Variants in SEMA3A observed in about 807,000 individuals in gnomAD.
The protein encoded by SEMA3A is semaphorin-3A.
Under a neutral mutation model 97.9 loss-of-function variants are expected in SEMA3A, and 29 were observed. That is an observed-to-expected ratio of 0.30 (90% confidence interval 0.22 to 0.40). The LOEUF is 0.40. Among genes scored for constraint, SEMA3A ranks in the 10% least tolerant of loss-of-function variants. The pLI is 1.00. For synonymous variants in SEMA3A, 321 were observed against 323.7 expected (o/e 0.99, Z 0.09); for missense variants, 763 against 951.3 (o/e 0.80, Z 2.60).
chr7:84,470,217 C>T (rs1193471881), intron 1 of SEMA3A, among the ~76,000 whole-genome samples: 1 of 152,024 alleles, frequency 6.6e-6, no homozygotes, highest in African/African-American at 2.4e-5. Flanking sequence ...TGTAAACCCT[C>T]TTTTGTTTCC....
intron 1 of SEMA3A, among the ~76,000 whole-genome samples, chr7:84,176,961 T>C (rs1797587479): frequency 6.6e-6 from 1 of 152,148 alleles, no homozygotes; most frequent in African/African-American, 2.4e-5. Context: ...AAAATTAGAC[T>C]ACTTTAGTGG....
rs186253365 is a variant in SEMA3A, at chr7:84,302,938, C to A, written c.-83+4269G>T. Among the ~76,000 whole-genome samples the A allele has an allele frequency of 3.8e-3, 574 of 152,170 alleles. 7 individuals are homozygous for A. Among genetic ancestry groups the A allele is most frequent in the African/African-American group, 0.013 (551 of 41,518 alleles). ...CTCAGAAATTCTGTAGACCTAAAAA[C>A]ACTTAGTACAGATTAGCAAAGAAAA... is the stretch of plus-strand genomic sequence containing the variant. On this transcript the variant is annotated intron_variant, in intron 3 of 3. Coordinates refer to the SEMA3A transcript ENST00000424555.
intron 4 of SEMA3A, among the ~76,000 whole-genome samples, chr7:84,075,176 CTTTT>C (rs201373532): frequency 1.4e-5 from 2 of 139,732 alleles, no homozygotes; most frequent in Admixed American, 7.2e-5. Flanking sequence ...TTGACTTCAA[CTTTT>C]TTTTTTTTTT....
intron 6 of SEMA3A, among the ~76,000 whole-genome samples, chr7:84,032,221 A>G (rs1336914969): frequency 1.3e-5 from 2 of 152,112 alleles, no homozygotes; most frequent in Non-Finnish European, 2.9e-5. Context: ...TGAAAGGGAG[A>G]TATCTATAAG....
At chr7:84,301,873 T>C (rs1801026671) in intron 3 of SEMA3A, among the ~76,000 whole-genome samples, 1 of 152,170 alleles carries the variant, frequency 6.6e-6, no homozygotes, top group South Asian at 2.1e-4. Context: ...AAAACTGTCA[T>C]TTCTTCAAAG....
chr7:84,161,637 T>G (rs1272511603), intron 1 of SEMA3A, among the ~76,000 whole-genome samples: 2 of 152,130 alleles, frequency 1.3e-5, no homozygotes, highest in Non-Finnish European at 2.9e-5. Context: ...TTGGACATTG[T>G]AGGAATGTCT....
chr7:84,296,877 A>T (rs1011962134), intron 3 of SEMA3A, among the ~76,000 whole-genome samples: 56 of 152,322 alleles, frequency 3.7e-4, no homozygotes, highest in African/African-American at 1.3e-3. Flanking sequence ...TGATGAAATG[A>T]TATTTAAAGG....
intron 1 of SEMA3A, among the ~76,000 whole-genome samples, chr7:84,404,754 G>A (rs1314949938): frequency 3.3e-5 from 5 of 151,682 alleles, no homozygotes; most frequent in Admixed American, 2.0e-4. Context: ...ATTCTTAAAG[G>A]AAAGAATTTT....
chr7:84,230,871 G>C (rs1799101392), intron 3 of SEMA3A, among the ~76,000 whole-genome samples: 1 of 151,758 alleles, frequency 6.6e-6, no homozygotes, highest in East Asian at 1.9e-4. Context: ...TCATAATCAA[G>C]CTCCTGTTGT....
In SEMA3A at chr7:83,955,958, A is replaced by G. The variant is rs1788270770; in HGVS notation, c.*5413T>C. ...TATACAAGTATAGTGTTTAGATTAA[A>G]AGAAAGAAAATCCATTCTTTTGTTA... is the stretch of plus-strand genomic sequence containing the variant. On this transcript the variant is annotated 3_prime_UTR_variant, in exon 17 of 17. Transcript: ENST00000265362. 6.6e-6 allele frequency: 1 copy of G among 152,192 alleles called. No homozygotes were observed. Among genetic ancestry groups the G allele is most frequent in the Admixed American group, 6.6e-5 (1 of 15,262 alleles). The allele number at this position is 152,192 out of a possible 1,614,324, so 9.4% of individuals were successfully genotyped here.
chr7:84,394,226 C>A (rs561647976), intron 1 of SEMA3A, among the ~76,000 whole-genome samples: 1 of 152,082 alleles, frequency 6.6e-6, no homozygotes, highest in African/African-American at 2.4e-5. Flanking sequence ...CCTTTTGCTG[C>A]CTTTTAAGAT....
intron 2 of SEMA3A, among the ~76,000 whole-genome samples, chr7:84,351,542 A>C (rs1562914926): frequency 1.3e-5 from 2 of 152,142 alleles, no homozygotes; most frequent in African/African-American, 2.4e-5. Context: ...CAAATAATCA[A>C]ATTCAAAAAT....
intron 2 of SEMA3A, among the ~76,000 whole-genome samples, chr7:84,332,914 A>G (rs1455792261): frequency 6.6e-6 from 1 of 152,036 alleles, no homozygotes; most frequent in African/African-American, 2.4e-5. Context: ...AGAGTTATGA[A>G]TCATTTTATC....
In SEMA3A at chr7:84,054,978, C is replaced by G. The variant is rs1450525200; in HGVS notation, c.547+5487G>C. Among the ~76,000 whole-genome samples the G allele has an allele frequency of 3.7e-3, 555 of 151,350 alleles. 3 individuals carry two copies. The highest frequency in any genetic ancestry group is 0.034 in the Middle Eastern group (10 of 292). ...GTACCCTGCCATGTGAGGTGTCAGT[C>G]TGCCCCTGCTGTGGGGTGCCTCCCA... On this transcript the variant is annotated intron_variant, in intron 5 of 16. Transcript: ENST00000265362.
intron 1 of SEMA3A, among the ~76,000 whole-genome samples, chr7:84,447,232 C>A (rs993706625): frequency 6.6e-6 from 1 of 152,270 alleles, no homozygotes; most frequent in African/African-American, 2.4e-5. Flanking sequence ...AGGCTGAGGG[C>A]AGCTTGGCAT....
intron 1 of SEMA3A, among the ~76,000 whole-genome samples, chr7:84,435,281 T>A (rs1805095507): frequency 6.8e-6 from 1 of 146,412 alleles, no homozygotes; most frequent in African/African-American, 2.6e-5. Flanking sequence ...ACACACACAC[T>A]ACCTGGGAAC....
At chr7:84,353,644 G>C (rs931125708) in intron 2 of SEMA3A, among the ~76,000 whole-genome samples, 2 of 151,530 alleles carry the variant, frequency 1.3e-5, no homozygotes, top group Non-Finnish European at 3.0e-5. Context: ...AAAATATGAA[G>C]AAAAAGTGTT....
chr7:84,280,519 C>T (rs894110027), intron 3 of SEMA3A, among the ~76,000 whole-genome samples: 1 of 152,080 alleles, frequency 6.6e-6, no homozygotes, highest in Admixed American at 6.6e-5. Flanking sequence ...CATGGTGGCT[C>T]ATGCCTGAAA....
At chr7:84,357,136 AT>A (rs974885900) in intron 2 of SEMA3A, among the ~76,000 whole-genome samples, 2 of 150,120 alleles carry the variant, frequency 1.3e-5, no homozygotes, top group Non-Finnish European at 3.0e-5. Flanking sequence ...ATATATATAT[AT>A]TTTTTATTAT....
Sources: allele counts gnomAD v4.1 joint callset (sites outside exome capture counted in the v4.1 genomes callset), GRCh38; gene constraint gnomAD v4.1.1; transcripts MANE v1.5; gene names NCBI Gene and HGNC (gene_info 2026-07-23, HGNC 2026-07-21).